ATP4B: variants seen among roughly 807,000 people sequenced by gnomAD.
The protein encoded by ATP4B is ATPase H+/K+ transporting subunit beta, also known as potassium-transporting ATPase subunit beta.
ATP4B carries 27 observed loss-of-function variants against 35.3 expected under a neutral mutation model. The ratio of observed to expected loss-of-function variants is 0.76; its 90% CI spans 0.56 to 1.05. ATP4B has a LOEUF of 1.05. ATP4B is among the 50% of genes least tolerant of loss of function. The pLI is 0.00. For synonymous variants in ATP4B, 162 were observed against 156.0 expected, an observed-to-expected ratio of 1.04 and a Z score of -0.29; for missense variants, 375 against 384.8, an observed-to-expected ratio of 0.97 and a Z score of 0.21.
At chr13:113,653,571 A>G (rs2049730585) in intron 2 of ATP4B, 137 bp from the exon 3 acceptor site, 1 of 671,856 alleles carries the variant, frequency 1.5e-6, no homozygotes, top group Middle Eastern at 4.1e-4. Context: ...TCTGCAGCAC[A>G]GGAAGGAAGG....
rs371083529 is a variant in ATP4B at position 113,658,018 on chromosome 13, G to A, written c.112+15C>T. On this transcript the variant is annotated intron_variant, in intron 1 of 6. Transcript: ENST00000335288. Reference sequence around the variant, plus strand: ...CCCCCTCCATGCACCCAGCCGGCCCGCCCCCCGCACGTACCCCACCGGGAC... The same window carrying A: ...CCCCCTCCATGCACCCAGCCGGCCCACCCCCCGCACGTACCCCACCGGGAC... 1.5e-4 allele frequency: 243 copies of A among 1,582,930 alleles called. No homozygotes were observed. The African/African-American group carries it at 2.4e-3, about 15-fold the overall frequency.
chr13:113,649,253 C>G lies in ATP4B; in HGVS notation c.*121G>C. The G allele has an allele frequency of 1.6e-6, 2 of 1,255,148 alleles. No individual in the cohort carries two copies. The highest frequency in any genetic ancestry group is 2.2e-6 in the Non-Finnish European group (2 of 919,384). 77.8% of individuals were successfully genotyped at this position (1,255,148 alleles called of 1,614,324 possible). A position where few individuals can be genotyped will look rare whatever the true frequency, so the allele number is the denominator to read the frequency against. On this transcript the variant is annotated 3_prime_UTR_variant, in exon 7 of 7. Coordinates refer to ENST00000335288, the MANE Select transcript of ATP4B (RefSeq NM_000705.4). This position sits in a 1 kb window ranked among gnomAD's most constrained non-coding sequence, Gnocchi z 4.7. Reference sequence around the variant, plus strand: ...CTCTGGAGTTCGCACACTGACAACACCGTTGCTCCAAACCACTTTGGGGAT... The same window carrying G: ...CTCTGGAGTTCGCACACTGACAACAGCGTTGCTCCAAACCACTTTGGGGAT...
chr13:113,651,148 G>A (rs2049709120), intron 5 of ATP4B, among the ~76,000 whole-genome samples: 1 of 151,998 alleles, frequency 6.6e-6, no homozygotes, highest in African/African-American at 2.4e-5. Flanking sequence ...TGAAACCTTT[G>A]CCTTTGGGTG....
rs552015018 is a variant in ATP4B, at chr13:113,649,472, C to T, written c.778G>A (p.Ala260Thr). ...LLNIPRNAEV[A>T]IVCKVMAEHV... ...TCCGCCATGACCTTGCACACGATGG[C>T]GACCTCAGCGTTCCTGGGGATGTTG... The change falls in exon 7 of 7, where the codon GCC (alanine) becomes ACC (threonine). Residue 260 changes from alanine to threonine, a missense_variant. Coordinates refer to ENST00000335288, the MANE Select transcript of ATP4B (RefSeq NM_000705.4). This position sits in a 1 kb window ranked among gnomAD's most constrained non-coding sequence, Gnocchi z 4.7. 156 of 1,559,510 alleles carry T rather than the reference C, an allele frequency of 1.0e-4. No homozygotes were observed. In the South Asian group the frequency reaches 1.4e-3, roughly 14 times the overall value.
chr13:113,654,995 C>G, intron 1 of ATP4B, 53 bp from the exon 2 acceptor site: 8 of 1,607,190 alleles, frequency 5.0e-6, no homozygotes, highest in Non-Finnish European at 6.0e-6. Flanking sequence ...TTAACGCACA[C>G]AATTCGGTGG....
intron 2 of ATP4B, among the ~76,000 whole-genome samples, chr13:113,653,996 C>T (rs77644262): frequency 0.047 from 7,175 of 152,196 alleles, 222 homozygotes; most frequent in South Asian, 0.07. Context: ...TAGGAACAGC[C>T]CGCCATCCAC....
At chr13:113,654,340 T>G (rs144099930) in intron 2 of ATP4B, among the ~76,000 whole-genome samples, 3 of 152,352 alleles carry the variant, frequency 2.0e-5, no homozygotes, top group South Asian at 2.1e-4. Context: ...CGGATGCCTG[T>G]TCCTCTGTCC....
Position 113,650,313 on chromosome 13 carries a change from T to A in ATP4B, c.714+93A>T. On this transcript the variant is annotated intron_variant, in intron 6 of 6. Coordinates refer to ENST00000335288, the MANE Select transcript of ATP4B (RefSeq NM_000705.4). This position sits in a 1 kb window ranked among gnomAD's most constrained non-coding sequence, Gnocchi z 5.0. ...CGGCTAAGTCACACCTTTGTTTCATTTTTCTACATGAAGGGGCTTATTGCT... is the reference window on the plus strand; with the variant it reads ...CGGCTAAGTCACACCTTTGTTTCATATTTCTACATGAAGGGGCTTATTGCT... 3.2e-6 allele frequency: 4 copies of A among 1,258,312 alleles called. No homozygotes were observed. Among genetic ancestry groups the A allele is most frequent in the Non-Finnish European group, 4.6e-6 (4 of 871,768 alleles). The allele number at this position is 1,258,312 out of a possible 1,614,324, so 77.9% of individuals were successfully genotyped here. A position where few individuals can be genotyped will look rare whatever the true frequency, so the allele number is the denominator to read the frequency against.
chr13:113,653,778 TA>T (rs534505194), intron 2 of ATP4B, among the ~76,000 whole-genome samples: 3 of 152,226 alleles, frequency 2.0e-5, no homozygotes, highest in Admixed American at 6.5e-5. Context: ...GAACATGCAT[TA>T]AAAAAAATCT....
At chr13:113,657,307 A>G (rs920551469) in intron 1 of ATP4B, among the ~76,000 whole-genome samples, 2 of 152,160 alleles carry the variant, frequency 1.3e-5, no homozygotes, top group African/African-American at 4.8e-5. Flanking sequence ...CCCGACGCCC[A>G]GGGGTCGCAG....
Position 113,649,604 on chromosome 13 carries a change from A to T in ATP4B, c.715-69T>A. 7.0e-7 allele frequency: 1 copy of T among 1,434,750 alleles called. No individual in the cohort carries two copies. Among genetic ancestry groups the T allele is most frequent in the Non-Finnish European group, 9.2e-7 (1 of 1,086,528 alleles). 88.9% of individuals were successfully genotyped at this position (1,434,750 alleles called of 1,614,324 possible). A position where few individuals can be genotyped will look rare whatever the true frequency, so the allele number is the denominator to read the frequency against. On this transcript the variant is annotated intron_variant, in intron 6 of 6. Transcript: ENST00000335288. The surrounding 1 kb of genome is among the most constrained non-coding windows in gnomAD (Gnocchi z 4.7). ...GAAGTTAAGGAGAGAAAACTAAGCA[A>T]GGAAGTGTCAACAGTCAGGTTGGTG...
In ATP4B at chr13:113,651,747, G is replaced by T; in HGVS notation, c.556-20C>A. The T allele has an allele frequency of 1.2e-6, 2 of 1,612,490 alleles. No homozygotes were observed. Among genetic ancestry groups the T allele is most frequent in the Non-Finnish European group, 1.7e-6 (2 of 1,179,226 alleles). On this transcript the variant is annotated intron_variant, in intron 4 of 6. Transcript: ENST00000335288. ...GACGATCTAGAAGGGAAAAGCTTGA[G>T]CGTGGCCGCTCCCCACCCCCACCGC...
In ATP4B at chr13:113,653,368, T is replaced by C. The variant is rs780547171; in HGVS notation, c.308A>G (p.Asn103Ser). The C allele has an allele frequency of 1.9e-6, 3 of 1,614,226 alleles. No homozygotes were observed. Among genetic ancestry groups the C allele is most frequent in the Non-Finnish European group, 2.5e-6 (3 of 1,180,028 alleles). The change falls in exon 3 of 7, where the codon AAC becomes AGC. Residue 103 changes from asparagine to serine, a missense_variant. Physicochemically the swap from Asn to Ser is conservative, Grantham distance 46. Coordinates refer to ENST00000335288, the MANE Select transcript of ATP4B (RefSeq NM_000705.4). ...CTGTGTGAGGTCTGCCCAGGTTCTG[T>C]TATCAGAGACGTTGTAGACAATTTC... is the stretch of plus-strand genomic sequence containing the variant. ...GLEIVYNVSDNRTWADLTQTL... is the reference protein window; with the variant it reads ...GLEIVYNVSDSRTWADLTQTL...
At position 113,653,037 on chromosome 13, in the gene ATP4B, A is replaced by C; in HGVS notation, c.391T>G (p.Cys131Gly). Reference sequence around the variant, plus strand: ...TGGAAGAAGTACTGCTCGGAGGTGCAGTTGATGCTGTCCTCCTGGGCTGCT... The same window carrying C: ...TGGAAGAAGTACTGCTCGGAGGTGCCGTTGATGCTGTCCTCCTGGGCTGCT... ...SPAAQEDSIN[C>G]TSEQYFFQES... Residue 131 changes from cysteine (C) to glycine (G), a missense_variant, in exon 4 of 7, where the codon TGC becomes GGC. Coordinates refer to ENST00000335288, the MANE Select transcript of ATP4B (RefSeq NM_000705.4). The C allele has an allele frequency of 6.2e-7, 1 of 1,613,420 alleles. No homozygotes were observed. Among genetic ancestry groups the C allele is most frequent in the Non-Finnish European group, 8.5e-7 (1 of 1,179,458 alleles).
In ATP4B at chr13:113,658,033, C is replaced by A; in HGVS notation, c.112G>T (p.Val38Leu). 2 of 1,598,190 alleles carry A rather than the reference C, an allele frequency of 1.3e-6. No individual in the cohort carries two copies. Among genetic ancestry groups the A allele is most frequent in the South Asian group, 1.1e-5 (1 of 89,268 alleles). ...QMLGRTLSRWVWISLYYVAFY... is the reference protein window; with the variant it reads ...QMLGRTLSRWLWISLYYVAFY... The stretch of plus-strand genomic sequence containing the variant: ...CAGCCGGCCCGCCCCCCGCACGTAC[C>A]CCACCGGGACAGGGTGCGGCCCAGC... The change falls in exon 1 of 7, where the codon GTG becomes TTG. Residue 38 changes from valine (V) to leucine (L), a missense_variant and splice_region_variant. Transcript: ENST00000335288.
rs767530420 is a variant in ATP4B, at chr13:113,650,881, G to A, written c.613-374C>T. Among the ~76,000 whole-genome samples, 9 of 152,116 alleles carry A rather than the reference G, an allele frequency of 5.9e-5. No homozygotes were observed. The highest frequency in any genetic ancestry group is 1.3e-4 in the Non-Finnish European group (9 of 68,008). Reference sequence around the variant, plus strand: ...ACAAGTTGGTGTGAGTGGGGCAAGCGAATGCGTTTTTGTGAGATTGGGGCC... The same window carrying A: ...ACAAGTTGGTGTGAGTGGGGCAAGCAAATGCGTTTTTGTGAGATTGGGGCC... On this transcript the variant is annotated intron_variant, in intron 5 of 6. Coordinates refer to ENST00000335288, the MANE Select transcript of ATP4B (RefSeq NM_000705.4). The surrounding 1 kb of genome is among the most constrained non-coding windows in gnomAD (Gnocchi z 5.0).
intron 4 of ATP4B, 164 bp downstream of exon 4, chr13:113,652,709 G>T: frequency 1.3e-6 from 1 of 765,656 alleles, no homozygotes; most frequent in Non-Finnish European, 2.3e-6. Flanking sequence ...AGAACCACAC[G>T]GGACAGGTGC....
chr13:113,654,394 C>T (rs1251519086), intron 2 of ATP4B, among the ~76,000 whole-genome samples: 1 of 152,184 alleles, frequency 6.6e-6, no homozygotes, highest in Non-Finnish European at 1.5e-5. Context: ...CTCTTTTCTG[C>T]TGGTCTCCCG....
rs1332870663 is a variant in ATP4B, at chr13:113,649,795, T to C, written c.715-260A>G. Among the ~76,000 whole-genome samples, 1 of 152,068 alleles carries C rather than the reference T, an allele frequency of 6.6e-6. No homozygotes were observed. The highest frequency in any genetic ancestry group is 2.4e-5 in the African/African-American group (1 of 41,380). On this transcript the variant is annotated intron_variant, in intron 6 of 6. Transcript: ENST00000335288. The surrounding 1 kb of genome is among the most constrained non-coding windows in gnomAD (Gnocchi z 4.7). The stretch of plus-strand genomic sequence containing the variant: ...ACTCTTACGATGATTAACGTAAAAA[T>C]GAAACAGGAAAAGCACGTGATGTGG...
Sources: allele counts gnomAD v4.1 joint callset (sites outside exome capture counted in the v4.1 genomes callset), GRCh38; gene constraint gnomAD v4.1.1; non-coding constraint Gnocchi (gnomAD v3.1); transcripts MANE v1.5; gene names NCBI Gene and HGNC (gene_info 2026-07-23, HGNC 2026-07-21).